Variants in DAB2IP observed in about 807,000 individuals in gnomAD.
DAB2IP encodes the protein disabled homolog 2-interacting protein.
A neutral mutation model predicts 107.2 loss-of-function variants in DAB2IP; 28 were observed. That is an observed-to-expected ratio of 0.26 (90% CI 0.19 to 0.36). DAB2IP has a LOEUF of 0.36. Among genes scored for constraint, DAB2IP ranks in the 10% least tolerant of loss-of-function variants. The pLI is 1.00. For synonymous variants in DAB2IP, 755 were observed against 706.4 expected, an observed-to-expected ratio of 1.07 and a Z score of -1.09; for missense variants, 1,400 against 1,644.7, an observed-to-expected ratio of 0.85 and a Z score of 2.57.
chr9:121,728,420 T>A (rs1361665745), intron 3 of DAB2IP, among the ~76,000 whole-genome samples: 2 of 152,232 alleles, frequency 1.3e-5, no homozygotes, highest in African/African-American at 2.4e-5. Context: ...CCCGTTCCAC[T>A]GCAGCTTTTG....
intron 3 of DAB2IP, among the ~76,000 whole-genome samples, chr9:121,719,408 G>A (rs1830800358): frequency 6.6e-6 from 1 of 152,222 alleles, no homozygotes; most frequent in Non-Finnish European, 1.5e-5. Context: ...CATAACCAAG[G>A]CAGGGAAGGG....
intron 2 of DAB2IP, among the ~76,000 whole-genome samples, chr9:121,690,755 C>G (rs1029075578): frequency 7.9e-5 from 12 of 152,190 alleles, no homozygotes; most frequent in African/African-American, 2.9e-4. Context: ...CCGTTAGACT[C>G]TCAGTGTTCC....
intron 3 of DAB2IP, among the ~76,000 whole-genome samples, chr9:121,722,555 G>A (rs1327691851): frequency 6.6e-6 from 1 of 152,202 alleles, no homozygotes; most frequent in African/African-American, 2.4e-5. Flanking sequence ...AGCCCCTGCT[G>A]TATGCAGGGC....
At chr9:121,690,820 C>T (rs1016283504) in intron 2 of DAB2IP, among the ~76,000 whole-genome samples, 4 of 152,158 alleles carry the variant, frequency 2.6e-5, no homozygotes, top group Non-Finnish European at 5.9e-5. Flanking sequence ...ATTACAAGCC[C>T]AGGCTCAGGT....
intron 1 of DAB2IP, among the ~76,000 whole-genome samples, chr9:121,664,533 A>T (rs1483994881): frequency 6.6e-6 from 1 of 152,204 alleles, no homozygotes; most frequent in African/African-American, 2.4e-5. Context: ...AATGTAGTAT[A>T]TCTCTTTATT....
intron 1 of DAB2IP, among the ~76,000 whole-genome samples, chr9:121,584,102 G>A (rs2789883): frequency 0.72 from 109,704 of 152,028 alleles, 39,868 homozygotes; most frequent in African/African-American, 0.77. Flanking sequence ...ACTTGAACCT[G>A]GTCCTGTGGA....
At chr9:121,645,596 C>G (rs1044452118) in intron 1 of DAB2IP, among the ~76,000 whole-genome samples, 2 of 152,212 alleles carry the variant, frequency 1.3e-5, no homozygotes, top group African/African-American at 4.8e-5. Context: ...CTGCCCCACC[C>G]TGACTGCTCT....
intron 2 of DAB2IP, among the ~76,000 whole-genome samples, chr9:121,682,898 G>C (rs1213932248): frequency 2.0e-5 from 3 of 152,020 alleles, no homozygotes; most frequent in Admixed American, 2.0e-4. Context: ...GGCTCTCCAG[G>C]ACCACACAGT....
chr9:121,701,902 TG>T lies in DAB2IP; in HGVS notation c.362+2445del, dbSNP rs1829802758. 6.6e-6 allele frequency among the ~76,000 whole-genome samples: 1 copy of T among 152,158 alleles called. No individual in the cohort carries two copies. The highest frequency in any genetic ancestry group is 2.4e-5 in the African/African-American group (1 of 41,424). Reference sequence around the variant, plus strand: ...TTGGTTTAGCAGCAAGGAAGGGTTGTGTCCTGGCTCCATGGGACCCCCACTG... The same window carrying T: ...TTGGTTTAGCAGCAAGGAAGGGTTGTTCCTGGCTCCATGGGACCCCCACTG... On this transcript the variant is annotated intron_variant, in intron 3 of 15. Coordinates refer to ENST00000408936, the Ensembl canonical transcript of DAB2IP. The surrounding 1 kb of genome is among the most constrained non-coding windows in gnomAD (Gnocchi z 4.7).
intron 1 of DAB2IP, among the ~76,000 whole-genome samples, chr9:121,675,218 A>G (rs998674036): frequency 6.6e-6 from 1 of 152,102 alleles, no homozygotes; most frequent in African/African-American, 2.4e-5. Flanking sequence ...GCATTGCCCC[A>G]GAGCTCAAAG....
chr9:121,729,125 C>A (rs1831385099), intron 3 of DAB2IP, among the ~76,000 whole-genome samples: 1 of 152,288 alleles, frequency 6.6e-6, no homozygotes, highest in East Asian at 1.9e-4. Flanking sequence ...CTTCACAACA[C>A]CTCTGTGTCC....
chr9:121,584,156 C>T (rs565774254), intron 1 of DAB2IP, among the ~76,000 whole-genome samples: 8 of 152,088 alleles, frequency 5.3e-5, no homozygotes, highest in South Asian at 4.2e-4. Flanking sequence ...CCAGCCTGGG[C>T]GACGGAGTGA....
chr9:121,742,000 G>C lies in DAB2IP; in HGVS notation c.363-15013G>C, dbSNP rs991155707. 1.3e-4 allele frequency among the ~76,000 whole-genome samples: 19 copies of C among 151,992 alleles called. 1 individual carries two copies. The highest frequency in any genetic ancestry group is 4.6e-4 in the African/African-American group (19 of 41,370). Reference sequence around the variant, plus strand: ...TCAGAGCTCATTTTCTTTACCATCAGGCTACACATTCTGAAACTTATTTGG... The same window carrying C: ...TCAGAGCTCATTTTCTTTACCATCACGCTACACATTCTGAAACTTATTTGG... On this transcript the variant is annotated intron_variant, in intron 3 of 15. Transcript: ENST00000408936.
At chr9:121,683,290 C>A (rs1013349753) in intron 2 of DAB2IP, among the ~76,000 whole-genome samples, 1 of 152,172 alleles carries the variant, frequency 6.6e-6, no homozygotes, top group Non-Finnish European at 1.5e-5. Flanking sequence ...GAGCTGATGA[C>A]TCTTCCTGGT....
Position 121,622,339 on chromosome 9 carries a change from T to C in DAB2IP, c.40+55111T>C, listed in dbSNP as rs1363706328. Among the ~76,000 whole-genome samples, 8 of 152,276 alleles carry C rather than the reference T, an allele frequency of 5.3e-5. No homozygotes were observed. In the East Asian group the frequency reaches 1.5e-3, roughly 29 times the overall value. On this transcript the variant is annotated intron_variant, in intron 1 of 16. Coordinates refer to the DAB2IP transcript ENST00000259371. ...GGCTCCTTCCATAGAAGCAATACTT[T>C]TTGCAGTCTGGGAATCTCTGGGGTC...
At chr9:121,709,614 C>A (rs1297183378) in intron 3 of DAB2IP, among the ~76,000 whole-genome samples, 1 of 152,014 alleles carries the variant, frequency 6.6e-6, no homozygotes, top group Admixed American at 6.5e-5. Context: ...TTATGTAAGG[C>A]CCCCTGTCAA....
At chr9:121,768,371 G>A in intron 9 of DAB2IP, 61 bp from the exon 10 acceptor site, 5 of 1,567,770 alleles carry the variant, frequency 3.2e-6, no homozygotes, top group Non-Finnish European at 4.4e-6. Context: ...CCCAGTGGAG[G>A]GAGTTCCTGG....
In DAB2IP at chr9:121,774,337, A is replaced by G. The variant is rs190856269; in HGVS notation, c.3045A>G (p.Glu1015=). ...TGACCATGAACGCGCAGTTGTTAGAAGACGAGGGCCTGGGCCCAGACCCCC... is the reference window on the plus strand; with the variant it reads ...TGACCATGAACGCGCAGTTGTTAGAGGACGAGGGCCTGGGCCCAGACCCCC... Residue 1015 remains glutamate (E), a synonymous_variant, in exon 13 of 16, where the codon GAA becomes GAG. Coordinates refer to ENST00000408936, the Ensembl canonical transcript of DAB2IP. 7.2e-4 allele frequency: 1,162 copies of G among 1,613,392 alleles called. 2 individuals are homozygous for G. Among genetic ancestry groups the G allele is most frequent in the East Asian group, 4.2e-3 (190 of 44,850 alleles).
rs2119022349 is a variant in DAB2IP, at chr9:121,634,570, C to CG, written c.41-44107dup. Among the ~76,000 whole-genome samples, 1 of 152,176 alleles carries CG rather than the reference C, an allele frequency of 6.6e-6. No homozygotes were observed. The highest frequency in any genetic ancestry group is 2.1e-4 in the South Asian group (1 of 4,814). ...TCGGTGCGCAGTTTGGAAGGGGTGA[C>CG]GCGCAGGTCTGAGAATGGGTGGGCA... On this transcript the variant is annotated intron_variant, in intron 1 of 16. Coordinates refer to the DAB2IP transcript ENST00000259371. The surrounding 1 kb of genome is among the most constrained non-coding windows in gnomAD (Gnocchi z 4.7).
Sources: gnomAD v4.1 joint callset for allele counts (sites outside exome capture counted in the v4.1 genomes callset) on GRCh38, gnomAD v4.1.1 for gene constraint, Gnocchi (gnomAD v3.1) non-coding constraint, MANE v1.5 for transcripts, NCBI Gene and HGNC (gene_info 2026-07-23, HGNC 2026-07-21) for gene names.